The following ETFRF1 variants were observed in gnomAD, a reference collection of about 807,000 sequenced individuals.
ETFRF1 encodes electron transfer flavoprotein regulatory factor 1.
A neutral mutation model predicts 9.0 loss-of-function variants in ETFRF1; 12 were observed. That is an observed-to-expected ratio of 1.34 (90% confidence interval 0.86 to 2.16). The LOEUF is 2.16. ETFRF1 is among the 30% of genes most tolerant of loss of function. The pLI, the probability that ETFRF1 is intolerant of heterozygous loss-of-function variation, is 0.00. For synonymous variants in ETFRF1, 34 were observed against 33.2 expected (o/e 1.02, Z -0.08); for missense variants, 98 against 101.8 (o/e 0.96, Z 0.16).
chr12:25,195,624 T>G, intron 1 of ETFRF1: 1 of 169,284 alleles, frequency 5.9e-6, no homozygotes. Flanking sequence ...AAGAGAGAAA[T>G]AAGTTGGCTC....
At chr12:25,201,355 A>G (rs530777529) in intron 1 of ETFRF1, among the ~76,000 whole-genome samples, 9 of 152,220 alleles carry the variant, frequency 5.9e-5, no homozygotes, top group African/African-American at 2.2e-4. Context: ...GTTTGGCTTT[A>G]ATTAACAGCA....
At chr12:25,200,114 G>A (rs1951063168) in intron 1 of ETFRF1, among the ~76,000 whole-genome samples, 1 of 152,078 alleles carries the variant, frequency 6.6e-6, no homozygotes, top group Admixed American at 6.5e-5. Flanking sequence ...GGAGGCTGAG[G>A]CAGGAGAATC....
At chr12:25,197,669 C>T (rs1490925431) in intron 1 of ETFRF1, among the ~76,000 whole-genome samples, 2 of 152,048 alleles carry the variant, frequency 1.3e-5, no homozygotes, top group Non-Finnish European at 2.9e-5. Context: ...GTCTCACTCA[C>T]TATGTTGCCC....
chr12:25,198,421 T>C (rs1428631454), intron 1 of ETFRF1, among the ~76,000 whole-genome samples: 1 of 152,138 alleles, frequency 6.6e-6, no homozygotes, highest in Non-Finnish European at 1.5e-5. Flanking sequence ...AGAGTCTATA[T>C]GCTTCACCCA....
At position 25,204,219 on chromosome 12, in the gene ETFRF1, A is replaced by G; in HGVS notation, c.180A>G (p.Glu60=). The G allele has an allele frequency of 6.2e-7, 1 of 1,612,470 alleles. No individual in the cohort carries two copies. The highest frequency in any genetic ancestry group is 8.5e-7 in the Non-Finnish European group (1 of 1,179,424). The part of the protein sequence containing the change: ...EKIKELIAQG[E]FVMKELEALY... The stretch of plus-strand genomic sequence containing the variant: ...TCAAAGAACTTATTGCACAGGGCGA[A>G]TTTGTAATGAAAGAGCTAGAAGCTT... Residue 60 remains glutamate, a synonymous_variant, in exon 3 of 3, where the codon GAA becomes GAG. Transcript: ENST00000381356.
chr12:25,199,553 C>A (rs1031955574), intron 1 of ETFRF1, among the ~76,000 whole-genome samples: 96 of 150,550 alleles, frequency 6.4e-4, no homozygotes, highest in African/African-American at 2.3e-3. Context: ...GGGAAAACTA[C>A]ATACTATATA....
At chr12:25,198,680 G>A (rs1311948321) in intron 1 of ETFRF1, among the ~76,000 whole-genome samples, 1 of 152,164 alleles carries the variant, frequency 6.6e-6, no homozygotes. Flanking sequence ...TACATAATAT[G>A]CTTGTTATGT....
intron 1 of ETFRF1, among the ~76,000 whole-genome samples, chr12:25,199,961 G>A (rs974312101): frequency 6.6e-5 from 10 of 152,178 alleles, no homozygotes; most frequent in African/African-American, 2.2e-4. Context: ...TGTTATCCCA[G>A]CACTTTGGGA....
chr12:25,199,463 CTG>C (rs1951056936), intron 1 of ETFRF1, among the ~76,000 whole-genome samples: 1 of 150,310 alleles, frequency 6.7e-6, no homozygotes, highest in Non-Finnish European at 1.5e-5. Flanking sequence ...CTGGCTACCT[CTG>C]TTTGTCAATA....
At chr12:25,202,690 T>C (rs1379590119) in intron 1 of ETFRF1, among the ~76,000 whole-genome samples, 1 of 151,930 alleles carries the variant, frequency 6.6e-6, no homozygotes, top group Non-Finnish European at 1.5e-5. Flanking sequence ...CAAGAGGATT[T>C]TGATTACATA....
rs924803988 is a variant in ETFRF1, at chr12:25,204,901, C to CAATT, written c.*591_*594dup. On this transcript the variant is annotated 3_prime_UTR_variant, in exon 3 of 3. Transcript: ENST00000381356. ...GCATTAACATACATAACTAACTATT[C>CAATT]AATTATTTCCATTATTAATGTTGCT... is the stretch of plus-strand genomic sequence containing the variant. The CAATT allele has an allele frequency of 5.0e-6, 1 of 199,984 alleles. No homozygotes were observed. Among genetic ancestry groups the CAATT allele is most frequent in the African/African-American group, 2.3e-5 (1 of 43,538 alleles). The allele number at this position is 199,984 out of a possible 1,614,324, so 12.4% of individuals were successfully genotyped here.
At position 25,204,935 on chromosome 12, in the gene ETFRF1, C is replaced by A. The variant is rs1803873; in HGVS notation, c.*623C>A. 4 of 203,316 alleles carry A rather than the reference C, an allele frequency of 2.0e-5. 1 individual carries two copies. In the Admixed American group the frequency reaches 2.4e-4, roughly 12 times the overall value. The allele number at this position is 203,316 out of a possible 1,614,324, so 12.6% of individuals were successfully genotyped here. A position where few individuals can be genotyped will look rare whatever the true frequency, so the allele number is the denominator to read the frequency against. ...CCATTATTAATGTTGCTGCTGCTAC[C>A]TTTGGGCCTAAAACCAAGTCACCTG... On this transcript the variant is annotated 3_prime_UTR_variant, in exon 3 of 3. Transcript: ENST00000381356.
chr12:25,197,579 C>G (rs1270493353), intron 1 of ETFRF1, among the ~76,000 whole-genome samples: 4 of 152,092 alleles, frequency 2.6e-5, no homozygotes, highest in East Asian at 3.9e-4. Flanking sequence ...ATCCTCCCAC[C>G]TCAGCCTCTC....
chr12:25,204,081 CTT>C lies in ETFRF1; in HGVS notation c.52-6_52-5del, dbSNP rs1334939350. On this transcript the variant is annotated splice_region_variant and splice_polypyrimidine_tract_variant and intron_variant, in intron 2 of 2. Transcript: ENST00000381356. ...GATTGTTTAGAAATATATAATCTTT[CTT>C]TTTGAAGCTGCTGTATCTTGGACGA... 1 of 1,560,162 alleles carries C rather than the reference CTT, an allele frequency of 6.4e-7. No homozygotes were observed. The highest frequency in any genetic ancestry group is 1.4e-5 in the African/African-American group (1 of 73,434).
intron 1 of ETFRF1, among the ~76,000 whole-genome samples, chr12:25,198,282 T>C (rs907799144): frequency 6.6e-6 from 1 of 152,104 alleles, no homozygotes; most frequent in Non-Finnish European, 1.5e-5. Context: ...AGGGCCCGCA[T>C]TCCTCTTATC....
At chr12:25,201,317 C>T (rs1565874321) in intron 1 of ETFRF1, among the ~76,000 whole-genome samples, 2 of 152,146 alleles carry the variant, frequency 1.3e-5, no homozygotes, top group African/African-American at 2.4e-5. Context: ...TCCAGAAAGC[C>T]TGGAGAAGGT....
At chr12:25,198,139 CT>C (rs1951045517) in intron 1 of ETFRF1, among the ~76,000 whole-genome samples, 1 of 152,202 alleles carries the variant, frequency 6.6e-6, no homozygotes, top group East Asian at 1.9e-4. Flanking sequence ...TACCCCCTTA[CT>C]CCCATAGAAG....
At position 25,204,429 on chromosome 12, in the gene ETFRF1, C is replaced by T. The variant is rs1951109284; in HGVS notation, c.*117C>T. On this transcript the variant is annotated 3_prime_UTR_variant, in exon 3 of 3. Transcript: ENST00000381356. ...TGTTGTGTAAAAAATCCCTGAGCTG[C>T]CCTACTGAACTAAATAGGTTTCAAC... 1 of 754,026 alleles carries T rather than the reference C, an allele frequency of 1.3e-6. No homozygotes were observed. Among genetic ancestry groups the T allele is most frequent in the Admixed American group, 3.7e-5 (1 of 27,078 alleles). 46.7% of individuals were successfully genotyped at this position (754,026 alleles called of 1,614,324 possible). A position where few individuals can be genotyped will look rare whatever the true frequency, so the allele number is the denominator to read the frequency against.
At chr12:25,199,096 T>C (rs1951053531) in intron 1 of ETFRF1, among the ~76,000 whole-genome samples, 1 of 152,034 alleles carries the variant, frequency 6.6e-6, no homozygotes, top group Non-Finnish European at 1.5e-5. Flanking sequence ...TGACACTGAA[T>C]TACACTTACA....
Sources: gnomAD v4.1 joint callset for allele counts (sites outside exome capture counted in the v4.1 genomes callset) on GRCh38, gnomAD v4.1.1 for gene constraint, MANE v1.5 for transcripts, NCBI Gene and HGNC (gene_info 2026-07-23, HGNC 2026-07-21) for gene names.